The following KAZN variants were observed in gnomAD, a reference collection of about 807,000 sequenced individuals.
KAZN encodes the protein kazrin.
In KAZN, 40 loss-of-function variants were observed where a neutral mutation model predicts 87.4. The observed-to-expected ratio is 0.46, with a 90% CI of 0.36 to 0.60. The LOEUF (loss-of-function observed/expected upper bound fraction) is 0.60, where lower values mean the gene tolerates loss of function less well. Ranked by LOEUF, KAZN falls within the 20% of genes least tolerant of loss-of-function variation. KAZN has a pLI of 0.00. For missense variants in KAZN, 898 were observed against 1,073.9 expected (o/e 0.84, Z 2.29); for synonymous variants, 466 against 458.3 (o/e 1.02, Z -0.22).
chr1:14,431,577 C>T (rs1666073418), intron 2 of KAZN, among the ~76,000 whole-genome samples: 3 of 152,074 alleles, frequency 2.0e-5, no homozygotes, highest in Non-Finnish European at 2.9e-5. Flanking sequence ...AGAGGAAGAC[C>T]CACCTTCAGT....
chr1:14,768,125 A>G (rs1644932436), intron 1 of KAZN, among the ~76,000 whole-genome samples: 1 of 152,222 alleles, frequency 6.6e-6, no homozygotes, highest in Non-Finnish European at 1.5e-5. Flanking sequence ...TCACTACGGT[A>G]TGAATTTCTT....
intron 1 of KAZN, among the ~76,000 whole-genome samples, chr1:14,722,113 C>T (rs1272276673): frequency 6.6e-6 from 1 of 151,430 alleles, no homozygotes; most frequent in Non-Finnish European, 1.5e-5. Context: ...GACTGCACCA[C>T]TGCACTCAGC....
intron 1 of KAZN, among the ~76,000 whole-genome samples, chr1:14,633,168 C>T (rs559014253): frequency 3.3e-5 from 5 of 152,226 alleles, no homozygotes; most frequent in African/African-American, 7.2e-5. Context: ...CCACCTGCCT[C>T]GGCCTCCCAT....
intron 2 of KAZN, among the ~76,000 whole-genome samples, chr1:14,390,428 G>A (rs1007063974): frequency 2.0e-5 from 3 of 152,230 alleles, no homozygotes; most frequent in African/African-American, 4.8e-5. Flanking sequence ...AGGGAAGCCA[G>A]GGAGGCCTCA....
intron 1 of KAZN, among the ~76,000 whole-genome samples, chr1:13,978,654 G>C (rs1417045833): frequency 1.3e-5 from 2 of 151,948 alleles, no homozygotes; most frequent in Non-Finnish European, 2.9e-5. Context: ...AAAGTGTAGA[G>C]AGAAAAAGAT....
intron 1 of KAZN, among the ~76,000 whole-genome samples, chr1:14,844,450 C>T (rs1369521050): frequency 6.6e-6 from 1 of 152,172 alleles, no homozygotes; most frequent in Non-Finnish European, 1.5e-5. Context: ...TGAACAGCAA[C>T]TTTTGGAAAC....
At chr1:14,167,416 C>T (rs944285055) in intron 1 of KAZN, among the ~76,000 whole-genome samples, 2 of 152,050 alleles carry the variant, frequency 1.3e-5, no homozygotes, top group African/African-American at 4.8e-5. Flanking sequence ...AAGGCTAAGC[C>T]CTGTGGACTA....
At chr1:14,057,923 A>C (rs1255083811) in intron 1 of KAZN, among the ~76,000 whole-genome samples, 2 of 152,232 alleles carry the variant, frequency 1.3e-5, no homozygotes, top group Non-Finnish European at 2.9e-5. Flanking sequence ...GAGTATAATG[A>C]ACAACAGTTC....
At chr1:14,526,809 A>G (rs1216481938) in intron 2 of KAZN, among the ~76,000 whole-genome samples, 1 of 152,114 alleles carries the variant, frequency 6.6e-6, no homozygotes. Context: ...CCGCTGCTCA[A>G]TGTCCCCCTT....
At chr1:13,948,866 T>C (rs146167501) in intron 1 of KAZN, among the ~76,000 whole-genome samples, 1 of 152,234 alleles carries the variant, frequency 6.6e-6, no homozygotes, top group Non-Finnish European at 1.5e-5. Context: ...CCCCTTCCCA[T>C]GTTACAGACA....
chr1:13,929,803 G>A (rs565078075), intron 1 of KAZN, among the ~76,000 whole-genome samples: 3 of 152,332 alleles, frequency 2.0e-5, no homozygotes, highest in Admixed American at 1.3e-4. Context: ...TGTATTAAGT[G>A]TTTGCTACGA....
chr1:14,152,436 T>C (rs1380809747), intron 1 of KAZN, among the ~76,000 whole-genome samples: 3 of 152,238 alleles, frequency 2.0e-5, no homozygotes, highest in Non-Finnish European at 4.4e-5. Context: ...GAACATGCAA[T>C]GTTTGTCTTT....
At chr1:14,186,441 T>A (rs1322560115) in intron 2 of KAZN, among the ~76,000 whole-genome samples, 1 of 152,116 alleles carries the variant, frequency 6.6e-6, no homozygotes, top group Non-Finnish European at 1.5e-5. Flanking sequence ...AAGCATTACA[T>A]CTCAGAAAAG....
At chr1:14,250,242 T>C (rs1032713272) in intron 2 of KAZN, among the ~76,000 whole-genome samples, 7 of 152,176 alleles carry the variant, frequency 4.6e-5, no homozygotes, top group African/African-American at 1.7e-4. Context: ...TTTAGTTTCA[T>C]GGATCTTATG....
intron 1 of KAZN, among the ~76,000 whole-genome samples, chr1:14,621,696 A>G (rs2148641707): frequency 6.6e-6 from 1 of 152,284 alleles, no homozygotes; most frequent in South Asian, 2.1e-4. Context: ...GTGGTAGTGA[A>G]TAAGTCTCAC....
chr1:14,165,064 A>G (rs896021570), intron 1 of KAZN, among the ~76,000 whole-genome samples: 2 of 152,182 alleles, frequency 1.3e-5, no homozygotes, highest in African/African-American at 4.8e-5. Flanking sequence ...TAAATTTTCT[A>G]TCTCGATGAC....
At chr1:15,001,231 G>A (rs910933698) in intron 2 of KAZN, among the ~76,000 whole-genome samples, 10 of 151,880 alleles carry the variant, frequency 6.6e-5, no homozygotes, top group African/African-American at 2.2e-4. Flanking sequence ...GGAGGCTGAC[G>A]CGGGTGGATC....
chr1:14,172,653 T>C (rs1645980135), intron 1 of KAZN, among the ~76,000 whole-genome samples: 1 of 152,238 alleles, frequency 6.6e-6, no homozygotes, highest in Admixed American at 6.5e-5. Flanking sequence ...ATTTGGGTAT[T>C]GCACAGGGAG....
chr1:14,842,858 C>T (rs1364503341), intron 1 of KAZN, among the ~76,000 whole-genome samples: 3 of 152,210 alleles, frequency 2.0e-5, no homozygotes, highest in Non-Finnish European at 4.4e-5. Context: ...CCTTCTCCTC[C>T]TTCAATTCCA....
Sources: gnomAD v4.1 joint callset for allele counts (sites outside exome capture counted in the v4.1 genomes callset) on GRCh38, gnomAD v4.1.1 for gene constraint, MANE v1.5 for transcripts, NCBI Gene and HGNC (gene_info 2026-07-23, HGNC 2026-07-21) for gene names.